The following DNAAF4 variants were observed in gnomAD, a reference collection of about 807,000 sequenced individuals.
DNAAF4 encodes the protein dynein assembly factor 4, axonemal.
In DNAAF4, 43 loss-of-function variants were observed where a neutral mutation model predicts 51.8. The observed-to-expected ratio is 0.83, with a 90% confidence interval of 0.65 to 1.07. The LOEUF is 1.07. Ranked by LOEUF, DNAAF4 falls within the 50% of genes least tolerant of loss-of-function variation. The probability of loss-of-function intolerance (pLI) is 0.00; values close to 1 mark genes in which losing one functional copy is unlikely to be tolerated. For synonymous variants in DNAAF4, 194 were observed against 165.6 expected (o/e 1.17, Z -1.32); for missense variants, 581 against 493.0 (o/e 1.18, Z -1.69).
At chr15:55,475,238 G>T (rs1413436505) in intron 4 of DNAAF4, among the ~76,000 whole-genome samples, 1 of 152,196 alleles carries the variant, frequency 6.6e-6, no homozygotes, top group Non-Finnish European at 1.5e-5. Context: ...TGCAGATTTT[G>T]TGGCAACATG....
At chr15:55,441,216 C>A (rs1401992154) in intron 6 of DNAAF4, among the ~76,000 whole-genome samples, 1 of 151,288 alleles carries the variant, frequency 6.6e-6, no homozygotes, top group Non-Finnish European at 1.5e-5. Flanking sequence ...GGATTACAGG[C>A]GTGTGCCACC....
At chr15:55,447,609 C>A (rs150129594) in intron 6 of DNAAF4, among the ~76,000 whole-genome samples, 3,377 of 151,076 alleles carry the variant, frequency 0.022, 119 homozygotes, top group African/African-American at 0.075. Context: ...AAAACCCCAT[C>A]TCCACCAAAA....
At chr15:55,478,787 G>A (rs2058369387) in intron 4 of DNAAF4, among the ~76,000 whole-genome samples, 1 of 152,150 alleles carries the variant, frequency 6.6e-6, no homozygotes, top group South Asian at 2.1e-4. Context: ...CCTTTCTGGA[G>A]TTGCATCCCC....
At chr15:55,456,362 G>A (rs926010442) in intron 5 of DNAAF4, among the ~76,000 whole-genome samples, 3 of 152,144 alleles carry the variant, frequency 2.0e-5, no homozygotes, top group African/African-American at 7.2e-5. Context: ...GATTACAGGC[G>A]TGAGCCACTG....
chr15:55,457,986 G>A (rs1416442285), intron 5 of DNAAF4, among the ~76,000 whole-genome samples: 1 of 152,134 alleles, frequency 6.6e-6, no homozygotes, highest in East Asian at 1.9e-4. Flanking sequence ...CTAGTGGCAG[G>A]GGGAGGGCAC....
At chr15:55,446,197 G>C (rs1445698539) in intron 6 of DNAAF4, among the ~76,000 whole-genome samples, 1 of 147,600 alleles carries the variant, frequency 6.8e-6, no homozygotes, top group Non-Finnish European at 1.5e-5. Context: ...TGGCCGGGCA[G>C]AGGCGCTCCC....
In DNAAF4 at chr15:55,487,424, A is replaced by G. The variant is rs564440467; in HGVS notation, c.405+3699T>C. 2.2e-4 allele frequency among the ~76,000 whole-genome samples: 34 copies of G among 152,334 alleles called. No individual in the cohort carries two copies. The Middle Eastern group carries it at 0.01, about 46-fold the overall frequency. On this transcript the variant is annotated intron_variant, in intron 4 of 9. Transcript: ENST00000321149. ...AATCAGCACTCTGTAAAATGGACCA[A>G]TCCGCAGGACATAGACGGGGACAAA... is the stretch of plus-strand genomic sequence containing the variant.
intron 8 of DNAAF4, among the ~76,000 whole-genome samples, chr15:55,433,117 T>A (rs973910894): frequency 6.6e-6 from 1 of 152,020 alleles, no homozygotes; most frequent in Non-Finnish European, 1.5e-5. Flanking sequence ...CTGGCCAACA[T>A]GGCAAAACCC....
At chr15:55,451,995 C>T (rs1219077587) in intron 5 of DNAAF4, among the ~76,000 whole-genome samples, 1 of 151,802 alleles carries the variant, frequency 6.6e-6, no homozygotes, top group African/African-American at 2.4e-5. Flanking sequence ...ACCTGTAATC[C>T]TAGCACTTCG....
chr15:55,496,760 A>G (rs1289140258), intron 3 of DNAAF4, among the ~76,000 whole-genome samples: 1 of 152,006 alleles, frequency 6.6e-6, no homozygotes, highest in African/African-American at 2.4e-5. Flanking sequence ...TTTTTCTAAA[A>G]CAGCAATTGA....
chr15:55,507,316 C>T (rs1365947938), intron 1 of DNAAF4, among the ~76,000 whole-genome samples: 6 of 152,156 alleles, frequency 3.9e-5, no homozygotes, highest in Non-Finnish European at 7.4e-5. Flanking sequence ...AACACCTAAC[C>T]TACCAAACAC....
Position 55,433,948 on chromosome 15 carries a change from A to ATATATTT in DNAAF4, c.1047+956_1047+957insAAATATA, listed in dbSNP as rs1285482600. Among the ~76,000 whole-genome samples the ATATATTT allele has an allele frequency of 8.6e-3, 117 of 13,612 alleles. 8 individuals carry two copies. The highest frequency in any genetic ancestry group is 0.047 in the African/African-American group (96 of 2,052). 8.9% of individuals were successfully genotyped at this position (13,612 alleles called of 152,430 possible). A position where few individuals can be genotyped will look rare whatever the true frequency, so the allele number is the denominator to read the frequency against. On this transcript the variant is annotated intron_variant, in intron 8 of 9. Coordinates refer to ENST00000321149, the MANE Select transcript of DNAAF4 (RefSeq NM_130810.4). ...TTATATTATATAAAATATATATAAT[A>ATATATTT]TATATAATATATATAATATATTTTA...
chr15:55,457,588 G>A (rs1258055250), intron 5 of DNAAF4, among the ~76,000 whole-genome samples: 1 of 152,110 alleles, frequency 6.6e-6, no homozygotes, highest in Admixed American at 6.6e-5. Flanking sequence ...CCACCTCCTG[G>A]CTGGAGCCCA....
chr15:55,418,935 T>TTA (rs2057362942), intron 7 of DNAAF4, among the ~76,000 whole-genome samples: 1 of 4,886 alleles, frequency 2.0e-4, no homozygotes, highest in Non-Finnish European at 8.9e-3. Flanking sequence ...TTTTTTTTTT[T>TTA]TTTGAGTGAG....
chr15:55,440,795 C>T (rs1677859390), intron 6 of DNAAF4, among the ~76,000 whole-genome samples: 1 of 151,962 alleles, frequency 6.6e-6, no homozygotes, highest in Non-Finnish European at 1.5e-5. Context: ...GATTCTTCTG[C>T]CTCAGCCTCC....
At position 55,448,530 on chromosome 15, in the gene DNAAF4, GT is replaced by G. The variant is rs1567010636; in HGVS notation, c.783+1691del. Among the ~76,000 whole-genome samples the G allele has an allele frequency of 4.6e-3, 410 of 89,470 alleles. 7 individuals carry two copies. Among genetic ancestry groups the G allele is most frequent in the African/African-American group, 0.017 (390 of 23,588 alleles). The allele number at this position is 89,470 out of a possible 152,430, so 58.7% of individuals were successfully genotyped here. A position where few individuals can be genotyped will look rare whatever the true frequency, so the allele number is the denominator to read the frequency against. ...AAAAAAAAAAAAAGGGTGTGTGTGT[GT>G]GTGTGTGTGTGTGTGTGTGTGTGTG... is the stretch of plus-strand genomic sequence containing the variant. On this transcript the variant is annotated intron_variant, in intron 6 of 9. Transcript: ENST00000321149.
At chr15:55,449,246 T>C (rs1357532341) in intron 6 of DNAAF4, among the ~76,000 whole-genome samples, 2 of 150,938 alleles carry the variant, frequency 1.3e-5, no homozygotes, top group Non-Finnish European at 3.0e-5. Context: ...CACCTCGGCC[T>C]CCCAAAGTGC....
At position 55,461,600 on chromosome 15, in the gene DNAAF4, GACAC is replaced by G. The variant is rs772887865; in HGVS notation, c.637+5326_637+5329del. 7.9e-5 allele frequency among the ~76,000 whole-genome samples: 12 copies of G among 152,178 alleles called. No homozygotes were observed. The South Asian group carries it at 1.7e-3, about 21-fold the overall frequency. ...ATTCTTTGAACTGAACGATAATAGT[GACAC>G]AACCAGTCAAAACCTCTGGGATACA... On this transcript the variant is annotated intron_variant, in intron 5 of 9. Coordinates refer to ENST00000321149, the MANE Select transcript of DNAAF4 (RefSeq NM_130810.4).
chr15:55,418,921 A>AATT (rs2057362519), intron 7 of DNAAF4, among the ~76,000 whole-genome samples: 1 of 27,616 alleles, frequency 3.6e-5, no homozygotes. Flanking sequence ...ACAATTTCAC[A>AATT]CTTTTTTTTT....
Sources: gnomAD v4.1 joint callset for allele counts (sites outside exome capture counted in the v4.1 genomes callset) on GRCh38, gnomAD v4.1.1 for gene constraint, MANE v1.5 for transcripts, NCBI Gene and HGNC (gene_info 2026-07-23, HGNC 2026-07-21) for gene names.